Variants in ARHGEF7 observed in about 807,000 individuals in gnomAD.
ARHGEF7 encodes Rho guanine nucleotide exchange factor 7, also known as PAK-interacting exchange factor beta.
ARHGEF7 carries 33 observed loss-of-function variants against 109.8 expected under a neutral mutation model. That is an observed-to-expected ratio of 0.30 (90% CI 0.23 to 0.40). The LOEUF (loss-of-function observed/expected upper bound fraction) is 0.40, where lower values mean the gene tolerates loss of function less well. Among genes scored for constraint, ARHGEF7 ranks in the 10% least tolerant of loss-of-function variants. ARHGEF7 has a pLI of 1.00. For synonymous variants in ARHGEF7, 458 were observed against 424.6 expected, an observed-to-expected ratio of 1.08 and a Z score of -0.97; for missense variants, 938 against 1,098.5, an observed-to-expected ratio of 0.85 and a Z score of 2.07.
At chr13:111,176,017 G>T (rs1203711894) in intron 2 of ARHGEF7, among the ~76,000 whole-genome samples, 1 of 152,144 alleles carries the variant, frequency 6.6e-6, no homozygotes, top group African/African-American at 2.4e-5. Flanking sequence ...GGAGGTAACT[G>T]CCCCATGATT....
At chr13:111,170,478 GA>G in intron 2 of ARHGEF7, among the ~76,000 whole-genome samples, 1 of 152,312 alleles carries the variant, frequency 6.6e-6, no homozygotes, top group East Asian at 1.9e-4. Flanking sequence ...CTTCTTACTG[GA>G]ATTTCTTCTT....
chr13:111,273,086 A>G lies in ARHGEF7; in HGVS notation c.1074-728A>G, dbSNP rs76207171. ...TAATTTTGGGATATGCACTGTTTCT[A>G]TGTCCATACACAGGGACACCTTCCT... On this transcript the variant is annotated intron_variant, in intron 9 of 21. Coordinates refer to ENST00000646102, the MANE Select transcript of ARHGEF7 (RefSeq NM_001354046.2). The surrounding 1 kb of genome is among the most constrained non-coding windows in gnomAD (Gnocchi z 4.5). Among the ~76,000 whole-genome samples the G allele has an allele frequency of 0.021, 3,230 of 152,318 alleles. 118 individuals are homozygous for G. Among genetic ancestry groups the G allele is most frequent in the African/African-American group, 0.074 (3,076 of 41,570 alleles).
At chr13:111,125,369 A>C (rs565473838) in intron 1 of ARHGEF7, among the ~76,000 whole-genome samples, 12 of 136,814 alleles carry the variant, frequency 8.8e-5, no homozygotes, top group African/African-American at 3.2e-4. Context: ...TAACTTTATT[A>C]TTACACTTGG....
Position 111,305,667 on chromosome 13 carries a change from T to A in ARHGEF7, c.*2554T>A, listed in dbSNP as rs1280797337. ...TTAAATGTCACAGACAATGTCCTAG[T>A]GTTGACTACTACAATGTTGATGCTA... On this transcript the variant is annotated 3_prime_UTR_variant, in exon 22 of 22. Coordinates refer to ENST00000646102, the MANE Select transcript of ARHGEF7 (RefSeq NM_001354046.2). 6.6e-6 allele frequency: 1 copy of A among 152,276 alleles called. No individual in the cohort carries two copies. The highest frequency in any genetic ancestry group is 1.5e-5 in the Non-Finnish European group (1 of 68,054). 9.4% of individuals were successfully genotyped at this position (152,276 alleles called of 1,614,324 possible).
chr13:111,208,315 C>A (rs1057044989), intron 3 of ARHGEF7, among the ~76,000 whole-genome samples: 2 of 152,228 alleles, frequency 1.3e-5, no homozygotes, highest in Admixed American at 6.5e-5. Context: ...GTTAGGATTA[C>A]AGGCATGAGC....
rs1363084822 is a variant in ARHGEF7, at chr13:111,145,469, A to C, written c.166-8436A>C. Among the ~76,000 whole-genome samples, 2 of 151,496 alleles carry C rather than the reference A, an allele frequency of 1.3e-5. No individual in the cohort carries two copies. Among genetic ancestry groups the C allele is most frequent in the African/African-American group, 4.8e-5 (2 of 41,330 alleles). On this transcript the variant is annotated intron_variant, in intron 1 of 21. Coordinates refer to ENST00000646102, the MANE Select transcript of ARHGEF7 (RefSeq NM_001354046.2). This position sits in a 1 kb window ranked among gnomAD's most constrained non-coding sequence, Gnocchi z 4.3. ...AAGGAGGGTTTCTCCAGCCAGTGAG[A>C]GCTGTAGTTACAGGAGAGGCTGCCT...
At chr13:111,155,034 G>C (rs147165609) in intron 2 of ARHGEF7, among the ~76,000 whole-genome samples, 58 of 152,200 alleles carry the variant, frequency 3.8e-4, no homozygotes, top group African/African-American at 1.3e-3. Flanking sequence ...AAACAACACA[G>C]TATAATGATT....
chr13:111,158,470 A>G (rs2076510581), intron 2 of ARHGEF7, among the ~76,000 whole-genome samples: 2 of 152,332 alleles, frequency 1.3e-5, no homozygotes, highest in South Asian at 4.1e-4. Context: ...TGATCTTTCC[A>G]GCTCCTTGGC....
intron 1 of ARHGEF7, among the ~76,000 whole-genome samples, chr13:111,151,994 A>G (rs2075911556): frequency 6.6e-6 from 1 of 152,160 alleles, no homozygotes; most frequent in Non-Finnish European, 1.5e-5. Flanking sequence ...GAGTGCTTCA[A>G]GTATTGATTT....
At chr13:111,234,837 A>G (rs6492349) in intron 6 of ARHGEF7, among the ~76,000 whole-genome samples, 67,850 of 151,570 alleles carry the variant, frequency 0.45, 15,860 homozygotes, top group South Asian at 0.56. Context: ...TGTGGCCCAC[A>G]TTACCCGAGA....
intron 2 of ARHGEF7, among the ~76,000 whole-genome samples, chr13:111,187,364 G>T (rs2079374343): frequency 6.6e-6 from 1 of 152,200 alleles, no homozygotes; most frequent in South Asian, 2.1e-4. Context: ...TGGTCCTGTT[G>T]CCTGATGAGG....
chr13:111,226,591 C>T (rs1395063372), intron 5 of ARHGEF7, among the ~76,000 whole-genome samples: 1 of 152,198 alleles, frequency 6.6e-6, no homozygotes, highest in Non-Finnish European at 1.5e-5. Flanking sequence ...AGAGACCTCC[C>T]ACTCAGGAAA....
At chr13:111,196,587 T>C (rs2080526547) in intron 2 of ARHGEF7, among the ~76,000 whole-genome samples, 1 of 152,116 alleles carries the variant, frequency 6.6e-6, no homozygotes, top group Non-Finnish European at 1.5e-5. Flanking sequence ...GCCAAATTCC[T>C]CTCCCCCTAC....
chr13:111,127,387 A>C (rs1247486829), intron 1 of ARHGEF7, among the ~76,000 whole-genome samples: 1 of 152,138 alleles, frequency 6.6e-6, no homozygotes, highest in African/African-American at 2.4e-5. Flanking sequence ...GGCCAGGTGC[A>C]GTGGCTCACA....
intron 19 of ARHGEF7, among the ~76,000 whole-genome samples, chr13:111,299,870 A>G (rs541064813): frequency 2.0e-5 from 3 of 152,344 alleles, no homozygotes; most frequent in South Asian, 4.1e-4. Flanking sequence ...AATGTTTCTC[A>G]TGGTACCGCT....
chr13:111,280,605 C>T lies in ARHGEF7; in HGVS notation c.1653C>T (p.His551=). 5.6e-6 allele frequency: 9 copies of T among 1,612,600 alleles called. No homozygotes were observed. Among genetic ancestry groups the T allele is most frequent in the Non-Finnish European group, 7.6e-6 (9 of 1,179,482 alleles). ...NQQDLQEWVE[H]LQKQTKVTSV... The stretch of plus-strand genomic sequence containing the variant: ...AGGATCTGCAGGAATGGGTGGAGCA[C>T]CTACAGAAGCAAACGAAGGTCACGT... The change falls in exon 15 of 22, where the codon CAC becomes CAT. Residue 551 remains histidine, a synonymous_variant. Transcript: ENST00000646102.
At chr13:111,294,416 C>T in intron 19 of ARHGEF7, 1 of 985,414 alleles carries the variant, frequency 1.0e-6, no homozygotes. Context: ...CCTTTAATAC[C>T]AAGTATCATT....
chr13:111,159,371 A>G (rs1353705050), intron 2 of ARHGEF7, among the ~76,000 whole-genome samples: 1 of 152,148 alleles, frequency 6.6e-6, no homozygotes, highest in African/African-American at 2.4e-5. Context: ...TCTTCAACAT[A>G]CTGATTTTAG....
intron 2 of ARHGEF7, among the ~76,000 whole-genome samples, chr13:111,168,471 A>G (rs1204599972): frequency 6.6e-6 from 1 of 152,136 alleles, no homozygotes; most frequent in African/African-American, 2.4e-5. Context: ...CCATGTCTTT[A>G]TGTTCTCAGA....
Sources: allele counts gnomAD v4.1 joint callset (sites outside exome capture counted in the v4.1 genomes callset), GRCh38; gene constraint gnomAD v4.1.1; non-coding constraint Gnocchi (gnomAD v3.1); transcripts MANE v1.5; gene names NCBI Gene and HGNC (gene_info 2026-07-23, HGNC 2026-07-21).